CADM2: variants seen among roughly 807,000 people sequenced by gnomAD.
CADM2 encodes cell adhesion molecule 2.
A neutral mutation model predicts 49.8 loss-of-function variants in CADM2; 12 were observed. The observed-to-expected ratio is 0.24, with a 90% confidence interval of 0.15 to 0.39. The LOEUF is 0.39. Among genes scored for constraint, CADM2 ranks in the 10% least tolerant of loss-of-function variants. The pLI is 1.00. For missense variants in CADM2, 378 were observed against 492.3 expected, an observed-to-expected ratio of 0.77 and a Z score of 2.20; for synonymous variants, 214 against 175.4, an observed-to-expected ratio of 1.22 and a Z score of -1.74.
intron 5 of CADM2, among the ~76,000 whole-genome samples, chr3:85,908,388 A>C (rs1307288432): frequency 6.6e-6 from 1 of 151,262 alleles, no homozygotes; most frequent in African/African-American, 2.4e-5. Context: ...AAAAGATCTA[A>C]TCTCCTGAAT....
chr3:85,826,292 T>C (rs2073907010), intron 3 of CADM2, among the ~76,000 whole-genome samples: 1 of 152,046 alleles, frequency 6.6e-6, no homozygotes, highest in Non-Finnish European at 1.5e-5. Context: ...AATTTTTGTG[T>C]AAAGCTGCCC....
chr3:85,740,101 G>A (rs911823447), intron 2 of CADM2, among the ~76,000 whole-genome samples: 1 of 152,190 alleles, frequency 6.6e-6, no homozygotes, highest in Non-Finnish European at 1.5e-5. Flanking sequence ...ATCAAAGGAG[G>A]AAATTAATTA....
At chr3:86,021,662 C>T (rs1339006988) in intron 8 of CADM2, among the ~76,000 whole-genome samples, 1 of 152,130 alleles carries the variant, frequency 6.6e-6, no homozygotes, top group African/African-American at 2.4e-5. Context: ...GTCCTCCAGG[C>T]TCATCCATGT....
At chr3:85,366,243 G>C (rs1409979975) in intron 1 of CADM2, among the ~76,000 whole-genome samples, 1 of 152,120 alleles carries the variant, frequency 6.6e-6, no homozygotes, top group East Asian at 1.9e-4. Context: ...TTAAATAAAA[G>C]TGATGATTGA....
chr3:84,962,850 T>C (rs537467896), intron 1 of CADM2, among the ~76,000 whole-genome samples: 3 of 152,304 alleles, frequency 2.0e-5, no homozygotes, highest in African/African-American at 7.2e-5. Flanking sequence ...TTCTGTGTTT[T>C]AACTGACTGT....
At chr3:84,981,067 G>A (rs1036379008) in intron 1 of CADM2, among the ~76,000 whole-genome samples, 4 of 151,478 alleles carry the variant, frequency 2.6e-5, no homozygotes, top group African/African-American at 4.8e-5. Flanking sequence ...ATGCTGGTGC[G>A]CTGCATCCAC....
intron 1 of CADM2, among the ~76,000 whole-genome samples, chr3:85,490,418 T>C (rs961232064): frequency 2.6e-5 from 4 of 151,914 alleles, no homozygotes; most frequent in African/African-American, 9.7e-5. Context: ...TTTAACTCAA[T>C]GTAAATTTTT....
chr3:85,331,284 C>T (rs1385127012), intron 1 of CADM2, among the ~76,000 whole-genome samples: 1 of 152,022 alleles, frequency 6.6e-6, no homozygotes, highest in Non-Finnish European at 1.5e-5. Context: ...CTAACTCCCA[C>T]TACCCTTCCC....
At chr3:85,328,458 G>T (rs1195893138) in intron 1 of CADM2, among the ~76,000 whole-genome samples, 3 of 152,100 alleles carry the variant, frequency 2.0e-5, no homozygotes, top group African/African-American at 4.8e-5. Flanking sequence ...TGGATTTTCT[G>T]ATGCTAATTG....
At chr3:85,857,812 T>C (rs1329331531) in intron 3 of CADM2, among the ~76,000 whole-genome samples, 6 of 152,216 alleles carry the variant, frequency 3.9e-5, no homozygotes, top group Admixed American at 3.3e-4. Context: ...TTTAATTGAA[T>C]TGAATTTTTA....
intron 1 of CADM2, among the ~76,000 whole-genome samples, chr3:85,085,435 T>C (rs561149717): frequency 3.8e-4 from 58 of 152,208 alleles, no homozygotes; most frequent in African/African-American, 1.3e-3. Flanking sequence ...TATATATATG[T>C]ATATGTATTA....
At chr3:85,212,872 T>TCTC (rs2041825842) in intron 1 of CADM2, among the ~76,000 whole-genome samples, 3 of 91,278 alleles carry the variant, frequency 3.3e-5, no homozygotes, top group Admixed American at 1.1e-4. Context: ...CTTTCTTTCT[T>TCTC]TCTTTCTTTC....
At chr3:85,887,142 C>T (rs1375231715) in intron 5 of CADM2, among the ~76,000 whole-genome samples, 1 of 152,090 alleles carries the variant, frequency 6.6e-6, no homozygotes. Context: ...GGCTGGAATG[C>T]AGTGATACGA....
At chr3:85,033,022 G>A (rs757926258) in intron 1 of CADM2, among the ~76,000 whole-genome samples, 1 of 151,912 alleles carries the variant, frequency 6.6e-6, no homozygotes, top group East Asian at 1.9e-4. Flanking sequence ...GGAAAAGAGA[G>A]AATAAGGAAA....
At chr3:85,986,263 G>A (rs996792430) in intron 8 of CADM2, among the ~76,000 whole-genome samples, 25 of 151,750 alleles carry the variant, frequency 1.6e-4, no homozygotes, top group African/African-American at 3.9e-4. Context: ...CAGAATAAAA[G>A]AAAAAGCATT....
chr3:85,446,119 G>A (rs2037439092), intron 1 of CADM2, among the ~76,000 whole-genome samples: 1 of 152,032 alleles, frequency 6.6e-6, no homozygotes, highest in African/African-American at 2.4e-5. Context: ...CTAGTAGGCT[G>A]TAAATTTATT....
chr3:85,003,816 T>G (rs2033591708), intron 1 of CADM2, among the ~76,000 whole-genome samples: 1 of 152,098 alleles, frequency 6.6e-6, no homozygotes, highest in African/African-American at 2.4e-5. Context: ...GGATGGAAAT[T>G]TATGTATTTA....
intron 2 of CADM2, among the ~76,000 whole-genome samples, chr3:85,798,722 T>A (rs1422631414): frequency 1.3e-5 from 2 of 152,196 alleles, no homozygotes. Flanking sequence ...AGCTTTGTTC[T>A]TTTTGCTTAG....
chr3:85,673,360 G>C (rs181813293), intron 1 of CADM2, among the ~76,000 whole-genome samples: 303 of 152,114 alleles, frequency 2.0e-3, no homozygotes, highest in African/African-American at 6.5e-3. Flanking sequence ...GTCTGATTAA[G>C]AAGGAAAAAC....
Sources: gnomAD v4.1 joint callset for allele counts (sites outside exome capture counted in the v4.1 genomes callset) on GRCh38, gnomAD v4.1.1 for gene constraint, MANE v1.5 for transcripts, NCBI Gene and HGNC (gene_info 2026-07-23, HGNC 2026-07-21) for gene names.